Variants in NEDD4L observed in about 807,000 individuals in gnomAD.
NEDD4L encodes E3 ubiquitin-protein ligase NEDD4-like.
A neutral mutation model predicts 148.9 loss-of-function variants in NEDD4L; 54 were observed. The observed-to-expected ratio is 0.36, with a 90% confidence interval of 0.29 to 0.45. NEDD4L has a LOEUF of 0.45. Among genes scored for constraint, NEDD4L ranks in the 20% least tolerant of loss-of-function variants. NEDD4L has a pLI of 1.00. For synonymous variants in NEDD4L, 433 were observed against 440.7 expected (o/e 0.98, Z 0.22); for missense variants, 856 against 1,233.8 (o/e 0.69, Z 4.59).
intron 2 of NEDD4L, among the ~76,000 whole-genome samples, chr18:58,178,986 G>T (rs1276821530): frequency 2.0e-5 from 3 of 151,848 alleles, no homozygotes; most frequent in African/African-American, 7.3e-5. Flanking sequence ...TCGCAGTTTT[G>T]TTTTTTTTCC....
chr18:58,401,486 G>A lies in NEDD4L; in HGVS notation c.*5217G>A, dbSNP rs895243845. The A allele has an allele frequency of 2.6e-5, 4 of 152,314 alleles. No individual in the cohort carries two copies. Among genetic ancestry groups the A allele is most frequent in the Non-Finnish European group, 4.4e-5 (3 of 68,032 alleles). The allele number at this position is 152,314 out of a possible 1,614,324, so 9.4% of individuals were successfully genotyped here. A position where few individuals can be genotyped will look rare whatever the true frequency, so the allele number is the denominator to read the frequency against. On this transcript the variant is annotated 3_prime_UTR_variant, in exon 31 of 31. Coordinates refer to ENST00000400345, the MANE Select transcript of NEDD4L (RefSeq NM_001144967.3). Reference sequence around the variant, plus strand: ...CAAAATGAAGTCATTGTAAAGAAGCGATGCAACTTGTCAAATATTTAATAA... The same window carrying A: ...CAAAATGAAGTCATTGTAAAGAAGCAATGCAACTTGTCAAATATTTAATAA...
chr18:58,188,927 G>C (rs11876334), intron 2 of NEDD4L, among the ~76,000 whole-genome samples: 1,569 of 152,172 alleles, frequency 0.01, 19 homozygotes, highest in African/African-American at 0.036. Context: ...GTTGAGTGCT[G>C]CTGTCCTGAA....
At chr18:58,324,942 TACTC>T in intron 8 of NEDD4L, 50 bp from the exon 9 acceptor site, 2 of 1,539,322 alleles carry the variant, frequency 1.3e-6, no homozygotes, top group Non-Finnish European at 1.8e-6. Context: ...GATGACCTCT[TACTC>T]ACAGCCGAAG....
At chr18:58,114,270 T>C (rs965737061) in intron 1 of NEDD4L, among the ~76,000 whole-genome samples, 2 of 152,144 alleles carry the variant, frequency 1.3e-5, no homozygotes, top group Admixed American at 6.5e-5. Context: ...TTGCTTCTAG[T>C]GACAGTTTTG....
In NEDD4L at chr18:58,052,748, T is replaced by G. The variant is rs143934966; in HGVS notation, c.48+8040T>G. On this transcript the variant is annotated intron_variant, in intron 1 of 30. Coordinates refer to ENST00000400345, the MANE Select transcript of NEDD4L (RefSeq NM_001144967.3). ...TGGGAGGCCAGGGCAGGCAGATCAC[T>G]TCAGGCCAGGAGTTCAAGACCAGCC... Among the ~76,000 whole-genome samples, 1,747 of 152,130 alleles carry G rather than the reference T, an allele frequency of 0.011. 73 individuals carry two copies. In the East Asian group the frequency reaches 0.15, roughly 13 times the overall value.
chr18:58,286,594 A>G (rs72951166), intron 5 of NEDD4L, among the ~76,000 whole-genome samples: 262 of 152,262 alleles, frequency 1.7e-3, no homozygotes, highest in Non-Finnish European at 2.9e-3. Flanking sequence ...GGCCCTTACC[A>G]GTAAAAAAAC....
chr18:58,326,953 G>A (rs12604234), intron 9 of NEDD4L, among the ~76,000 whole-genome samples: 23,648 of 152,108 alleles, frequency 0.16, 2,195 homozygotes, highest in Non-Finnish European at 0.19. Context: ...AGAGGTGTAC[G>A]TTAAACATGA....
intron 1 of NEDD4L, among the ~76,000 whole-genome samples, chr18:58,128,034 T>A (rs1014178809): frequency 2.0e-5 from 3 of 151,948 alleles, no homozygotes; most frequent in African/African-American, 7.3e-5. Context: ...TTGTTTTGTT[T>A]TGCTTTGCTT....
chr18:58,361,948 G>A (rs1041811157), intron 19 of NEDD4L, among the ~76,000 whole-genome samples: 3 of 152,050 alleles, frequency 2.0e-5, no homozygotes, highest in African/African-American at 7.2e-5. Flanking sequence ...GTTTGTCCTG[G>A]TACGTTGTTG....
intron 1 of NEDD4L, among the ~76,000 whole-genome samples, chr18:58,095,537 C>T (rs139662803): frequency 2.6e-5 from 4 of 152,154 alleles, no homozygotes; most frequent in African/African-American, 9.6e-5. Context: ...AGGGCTCAGT[C>T]GGGGCCAAAG....
rs149430952 is a variant in NEDD4L, at chr18:58,096,347, ATTTATTTTATTTTATTTTATTTTAT to A, written c.48+51687_48+51711del. Among the ~76,000 whole-genome samples the A allele has an allele frequency of 6.5e-3, 760 of 116,262 alleles. 5 individuals carry two copies. Among genetic ancestry groups the A allele is most frequent in the African/African-American group, 0.01 (303 of 28,940 alleles). The allele number at this position is 116,262 out of a possible 152,430, so 76.3% of individuals were successfully genotyped here. On this transcript the variant is annotated intron_variant, in intron 1 of 30. Coordinates refer to ENST00000400345, the MANE Select transcript of NEDD4L (RefSeq NM_001144967.3). ...GGCCTTAGTGTGATTATTTTATTTT[ATTTATTTTATTTTATTTTATTTTAT>A]TTTATTTTATTTTATTTTATTTTAT... is the stretch of plus-strand genomic sequence containing the variant.
intron 1 of NEDD4L, among the ~76,000 whole-genome samples, chr18:58,100,036 T>C (rs2084656925): frequency 6.6e-6 from 1 of 152,204 alleles, no homozygotes; most frequent in African/African-American, 2.4e-5. Flanking sequence ...CAAGGACTCC[T>C]GAAGCCAATG....
rs191431549 is a variant in NEDD4L at position 58,325,073 on chromosome 18, C to T, written c.591C>T (p.Pro197=). 2.1e-5 allele frequency: 34 copies of T among 1,614,020 alleles called. No homozygotes were observed. The highest frequency in any genetic ancestry group is 4.5e-5 in the East Asian group (2 of 44,890). Reference sequence around the variant, plus strand: ...AACTTCCTCCTCCTCCTCTGCCTCCCGGGTGGGAAGAAAAAGTGGACAATT... The same window carrying T: ...AACTTCCTCCTCCTCCTCTGCCTCCTGGGTGGGAAGAAAAAGTGGACAATT... ...QEELPPPPLP[P]GWEEKVDNLG... is the part of the protein sequence containing the mutation. The change falls in exon 9 of 31, where the codon CCC becomes CCT. Residue 197 remains proline, a synonymous_variant. Transcript: ENST00000400345.
At chr18:58,054,618 G>A (rs1397823586) in intron 1 of NEDD4L, 1 of 161,090 alleles carries the variant, frequency 6.2e-6, no homozygotes, top group African/African-American at 2.4e-5. Flanking sequence ...GAAAAAGCAA[G>A]ACTGAATCAT....
At position 58,062,289 on chromosome 18, in the gene NEDD4L, G is replaced by A. The variant is rs115626223; in HGVS notation, c.48+17581G>A. Among the ~76,000 whole-genome samples the A allele has an allele frequency of 7.2e-3, 1,096 of 152,210 alleles. 8 individuals carry two copies. The highest frequency in any genetic ancestry group is 0.025 in the African/African-American group (1,026 of 41,534). ...GTGAGGTCTCTGTACTTCACCTGTG[G>A]AGTCTGTTGTCCTGAAAGGTGCCGG... On this transcript the variant is annotated intron_variant, in intron 1 of 30. Coordinates refer to ENST00000400345, the MANE Select transcript of NEDD4L (RefSeq NM_001144967.3).
At chr18:58,195,257 TTATCA>T in intron 2 of NEDD4L, 2 of 431,328 alleles carry the variant, frequency 4.6e-6, no homozygotes, top group Non-Finnish European at 7.9e-6. Context: ...AAGTTGGCTG[TTATCA>T]TAACTTCCCT....
intron 2 of NEDD4L, among the ~76,000 whole-genome samples, chr18:58,168,608 C>T (rs1263904826): frequency 6.6e-6 from 1 of 152,216 alleles, no homozygotes; most frequent in African/African-American, 2.4e-5. Context: ...AGCCCTGGGC[C>T]ACTGACATGC....
intron 5 of NEDD4L, among the ~76,000 whole-genome samples, chr18:58,264,586 A>G (rs1181893387): frequency 6.6e-6 from 1 of 152,084 alleles, no homozygotes; most frequent in Non-Finnish European, 1.5e-5. Context: ...GTTAACATGC[A>G]TACAGTGTGT....
chr18:58,230,977 GTGACTCATACC>G (rs1181106904), intron 2 of NEDD4L, among the ~76,000 whole-genome samples: 2 of 152,126 alleles, frequency 1.3e-5, no homozygotes, highest in Non-Finnish European at 2.9e-5. Context: ...TCTGGACGTG[GTGACTCATACC>G]TGTAATTCCA....
Sources: gnomAD v4.1 joint callset for allele counts (sites outside exome capture counted in the v4.1 genomes callset) on GRCh38, gnomAD v4.1.1 for gene constraint, MANE v1.5 for transcripts, NCBI Gene and HGNC (gene_info 2026-07-23, HGNC 2026-07-21) for gene names.